Variants in SLK observed in about 807,000 individuals in gnomAD.
SLK encodes STE20-like serine/threonine-protein kinase.
SLK carries 67 observed loss-of-function variants against 147.7 expected under a neutral mutation model. That is an observed-to-expected ratio of 0.45 (90% confidence interval 0.37 to 0.56). The LOEUF (loss-of-function observed/expected upper bound fraction) is 0.56, where lower values mean the gene tolerates loss of function less well. Ranked by LOEUF, SLK falls within the 20% of genes least tolerant of loss-of-function variation. SLK has a pLI of 0.00. For missense variants in SLK, 1,136 were observed against 1,438.8 expected, an observed-to-expected ratio of 0.79 and a Z score of 3.41; for synonymous variants, 441 against 475.0, an observed-to-expected ratio of 0.93 and a Z score of 0.93.
chr10:103,976,595 A>G (rs1239492934), intron 1 of SLK, among the ~76,000 whole-genome samples: 1 of 151,652 alleles, frequency 6.6e-6, no homozygotes, highest in African/African-American at 2.4e-5. Context: ...AAAAAAAAAA[A>G]GCTCTATTTT....
chr10:104,004,608 T>A (rs1027587244), intron 9 of SLK, among the ~76,000 whole-genome samples: 1 of 152,086 alleles, frequency 6.6e-6, no homozygotes, highest in Non-Finnish European at 1.5e-5. Flanking sequence ...AAGAGAACAG[T>A]AAGAGGAGAG....
At chr10:104,022,974 G>T (rs894379632) in intron 18 of SLK, among the ~76,000 whole-genome samples, 2 of 152,202 alleles carry the variant, frequency 1.3e-5, no homozygotes, top group African/African-American at 2.4e-5. Context: ...ATGCATTCAT[G>T]TAGTTTAGAA....
chr10:103,999,622 T>C (rs572047679), intron 6 of SLK, among the ~76,000 whole-genome samples: 1 of 152,324 alleles, frequency 6.6e-6, no homozygotes, highest in South Asian at 2.1e-4. Context: ...AATTTTGTGC[T>C]TTTTGGCATA....
intron 1 of SLK, among the ~76,000 whole-genome samples, chr10:103,989,661 G>T (rs898716592): frequency 2.0e-5 from 3 of 151,870 alleles, no homozygotes; most frequent in African/African-American, 7.3e-5. Context: ...GTAGAGACGG[G>T]GTTTCACCAT....
At chr10:104,014,361 C>A (rs572627555) in intron 13 of SLK, among the ~76,000 whole-genome samples, 1 of 152,124 alleles carries the variant, frequency 6.6e-6, no homozygotes, top group African/African-American at 2.4e-5. Context: ...AAGCTGTATT[C>A]TTTCTTGCAG....
intron 9 of SLK, 34 bp from the exon 10 acceptor site, chr10:104,005,527 G>T: frequency 1.3e-6 from 2 of 1,580,960 alleles, no homozygotes; most frequent in South Asian, 1.2e-5. Context: ...AGTATTCCTT[G>T]TACAAAGCCT....
chr10:104,006,142 G>C, intron 11 of SLK, 107 bp downstream of exon 11: 1 of 1,134,230 alleles, frequency 8.8e-7, no homozygotes, highest in Non-Finnish European at 1.3e-6. Flanking sequence ...TTCTCTGATT[G>C]CCAGATTTCT....
At chr10:103,968,287 A>G (rs1843745533) in intron 1 of SLK, among the ~76,000 whole-genome samples, 1 of 152,342 alleles carries the variant, frequency 6.6e-6, no homozygotes, top group Admixed American at 6.5e-5. Context: ...TTGTACTCCA[A>G]CAGTTCTGTT....
intron 1 of SLK, among the ~76,000 whole-genome samples, chr10:103,979,000 G>T (rs532989342): frequency 6.4e-5 from 4 of 62,950 alleles, no homozygotes; most frequent in Non-Finnish European, 1.0e-4. Flanking sequence ...TGGAAATCAA[G>T]ATATTTTATT....
chr10:104,003,497 A>G lies in SLK; in HGVS notation c.2319A>G (p.Lys773=). 3.8e-6 allele frequency: 6 copies of G among 1,591,698 alleles called. No individual in the cohort carries two copies. The highest frequency in any genetic ancestry group is 5.1e-6 in the Non-Finnish European group (6 of 1,170,350). The change falls in exon 9 of 19, where the codon AAA becomes AAG. Residue 773 remains lysine, a synonymous_variant. Coordinates refer to ENST00000369755, the MANE Select transcript of SLK (RefSeq NM_014720.4). The stretch of plus-strand genomic sequence containing the variant: ...TATCCATCTCTAGCTTTCTAAGTAA[A>G]ACTAAAGACAGTGGATCGATATCTT... ...LNLSISSFLS[K]TKDSGSISLQ... is the part of the protein sequence containing the mutation.
intron 4 of SLK, among the ~76,000 whole-genome samples, chr10:103,996,400 C>CTTTT (rs555751299): frequency 9.4e-6 from 1 of 106,434 alleles, no homozygotes. Context: ...TTTTTCTTTT[C>CTTTT]TTTTTTTTTT....
rs1459709678 is a variant in SLK at position 103,967,500 on chromosome 10, G to A, written c.-246G>A. On this transcript the variant is annotated 5_prime_UTR_variant, in exon 1 of 19. Coordinates refer to ENST00000369755, the MANE Select transcript of SLK (RefSeq NM_014720.4). ...TCCCGGAGGGTGGGCCGGAGGCGAG[G>A]CGCCCACCGCGCGGCTCGCGGGCCG... 6.7e-6 allele frequency: 1 copy of A among 149,996 alleles called. No homozygotes were observed. The highest frequency in any genetic ancestry group is 1.5e-5 in the Non-Finnish European group (1 of 67,436). 9.3% of individuals were successfully genotyped at this position (149,996 alleles called of 1,614,324 possible). A position where few individuals can be genotyped will look rare whatever the true frequency, so the allele number is the denominator to read the frequency against.
chr10:103,973,860 A>G (rs917687640), intron 1 of SLK, among the ~76,000 whole-genome samples: 1 of 151,816 alleles, frequency 6.6e-6, no homozygotes, highest in African/African-American at 2.4e-5. Flanking sequence ...CTTAATATAT[A>G]TAATTCTAGT....
intron 1 of SLK, among the ~76,000 whole-genome samples, chr10:103,973,462 G>C (rs1057152322): frequency 1.3e-5 from 2 of 152,180 alleles, no homozygotes; most frequent in Non-Finnish European, 2.9e-5. Context: ...TAGTAGTATT[G>C]TTGGCCCTTA....
At chr10:104,014,760 G>T (rs1258774418) in intron 13 of SLK, among the ~76,000 whole-genome samples, 3 of 151,956 alleles carry the variant, frequency 2.0e-5, no homozygotes, top group Admixed American at 2.0e-4. Context: ...TGATAAAATT[G>T]TTTATCCACA....
intron 13 of SLK, among the ~76,000 whole-genome samples, chr10:104,012,161 A>C (rs888536099): frequency 6.6e-6 from 1 of 152,224 alleles, no homozygotes; most frequent in African/African-American, 2.4e-5. Context: ...AAACATAGAA[A>C]CAATAAAAAC....
Position 104,028,967 on chromosome 10 carries a change from A to T in SLK, c.*3247A>T, listed in dbSNP as rs576485323. ...TCTTAAGTTGAAGGCACAACAGTTAATGGCTGTATTGTTGCTATTCCGTTG... is the reference window on the plus strand; with the variant it reads ...TCTTAAGTTGAAGGCACAACAGTTATTGGCTGTATTGTTGCTATTCCGTTG... On this transcript the variant is annotated 3_prime_UTR_variant, in exon 19 of 19. Coordinates refer to ENST00000369755, the MANE Select transcript of SLK (RefSeq NM_014720.4). 9.1e-4 allele frequency: 138 copies of T among 152,356 alleles called. No individual in the cohort carries two copies. The highest frequency in any genetic ancestry group is 3.3e-3 in the African/African-American group (136 of 41,594). 9.4% of individuals were successfully genotyped at this position (152,356 alleles called of 1,614,324 possible).
At chr10:104,025,235 T>C (rs1844582538) in intron 18 of SLK, among the ~76,000 whole-genome samples, 1 of 152,230 alleles carries the variant, frequency 6.6e-6, no homozygotes, top group South Asian at 2.1e-4. Context: ...ATAGGTACCA[T>C]ATATTAGAGT....
chr10:103,975,793 G>A (rs913202568), intron 1 of SLK, among the ~76,000 whole-genome samples: 24 of 152,048 alleles, frequency 1.6e-4, no homozygotes, highest in East Asian at 5.8e-4. Flanking sequence ...TATGATTCAC[G>A]GCCCGGTGCA....
Sources: gnomAD v4.1 joint callset for allele counts (sites outside exome capture counted in the v4.1 genomes callset) on GRCh38, gnomAD v4.1.1 for gene constraint, MANE v1.5 for transcripts, NCBI Gene and HGNC (gene_info 2026-07-23, HGNC 2026-07-21) for gene names.